The following SLC47A2 variants were observed in gnomAD, a reference collection of about 807,000 sequenced individuals.
SLC47A2 encodes solute carrier family 47 member 2.
Under a neutral mutation model 67.7 loss-of-function variants are expected in SLC47A2, and 52 were observed. The ratio of observed to expected loss-of-function variants is 0.77; its 90% confidence interval spans 0.61 to 0.97. SLC47A2 has a LOEUF of 0.97. Among genes scored for constraint, SLC47A2 ranks in the 50% least tolerant of loss-of-function variants. SLC47A2 has a pLI of 0.00. For missense variants in SLC47A2, 676 were observed against 712.3 expected (o/e 0.95, Z 0.58); for synonymous variants, 278 against 292.9 (o/e 0.95, Z 0.52).
At chr17:19,710,816 C>CTTTT (rs34676875) in intron 5 of SLC47A2, among the ~76,000 whole-genome samples, 2 of 140,000 alleles carry the variant, frequency 1.4e-5, no homozygotes, top group Non-Finnish European at 3.1e-5. Flanking sequence ...ATTCACAAAT[C>CTTTT]TTTTTTTTTT....
intron 11 of SLC47A2, 139 bp downstream of exon 11, chr17:19,703,931 T>A (rs1325184104): frequency 1.7e-6 from 1 of 599,422 alleles, no homozygotes; most frequent in Admixed American, 3.5e-5. Flanking sequence ...CTGGGTCAGA[T>A]GGCAGGTCCA....
intron 13 of SLC47A2, among the ~76,000 whole-genome samples, chr17:19,690,209 G>A (rs1203985187): frequency 6.6e-6 from 1 of 152,130 alleles, no homozygotes; most frequent in Admixed American, 6.6e-5. Flanking sequence ...AGGAAAACTG[G>A]ATATTCATAC....
intron 13 of SLC47A2, among the ~76,000 whole-genome samples, chr17:19,687,263 T>C (rs1036774151): frequency 6.6e-6 from 1 of 152,034 alleles, no homozygotes; most frequent in Non-Finnish European, 1.5e-5. Context: ...AAACAACATA[T>C]CAAAACGTAT....
intron 13 of SLC47A2, among the ~76,000 whole-genome samples, chr17:19,699,549 C>T (rs1333683122): frequency 6.6e-6 from 1 of 151,398 alleles, no homozygotes; most frequent in Non-Finnish European, 1.5e-5. Flanking sequence ...GCCTCCCCGC[C>T]GACCCCCTCC....
In SLC47A2 at chr17:19,707,758, C is replaced by G. The variant is rs1480358516; in HGVS notation, c.715G>C (p.Glu239Gln). ...LYIVLKKLHLETWAGWSSQCL... is the reference protein window; with the variant it reads ...LYIVLKKLHLQTWAGWSSQCL... Reference sequence around the variant, plus strand: ...CCAGGCCTCCCACCTGCCCACGTCTCCAGGTGCAGCTTCTTCAGCACAATG... The same window carrying G: ...CCAGGCCTCCCACCTGCCCACGTCTGCAGGTGCAGCTTCTTCAGCACAATG... The change falls in exon 8 of 17, where the codon GAG (glutamate) becomes CAG (glutamine). Residue 239 changes from glutamate to glutamine, a missense_variant. Physicochemically the swap from Glu to Gln is conservative, Grantham distance 29. Transcript: ENST00000433844. The G allele has an allele frequency of 6.3e-7, 1 of 1,592,682 alleles. No homozygotes were observed. Among genetic ancestry groups the G allele is most frequent in the Non-Finnish European group, 8.5e-7 (1 of 1,170,164 alleles).
intron 13 of SLC47A2, 161 bp downstream of exon 13, chr17:19,702,444 A>G (rs922315027): frequency 5.1e-6 from 5 of 985,326 alleles, no homozygotes; most frequent in Non-Finnish European, 6.0e-6. Flanking sequence ...TTGAAATAAG[A>G]ATGGAACTAT....
intron 8 of SLC47A2, among the ~76,000 whole-genome samples, chr17:19,707,520 G>T (rs1176892518): frequency 6.6e-6 from 1 of 152,182 alleles, no homozygotes; most frequent in Non-Finnish European, 1.5e-5. Context: ...CCTGGGCCAG[G>T]CTTCTGTGAT....
At chr17:19,682,834 A>G (rs374928995) in intron 13 of SLC47A2, among the ~76,000 whole-genome samples, 162 of 152,352 alleles carry the variant, frequency 1.1e-3, no homozygotes, top group African/African-American at 3.8e-3. Context: ...ATTATGTCTC[A>G]TCTCAAAGAT....
At chr17:19,710,632 T>C (rs2152359059) in intron 5 of SLC47A2, among the ~76,000 whole-genome samples, 1 of 152,116 alleles carries the variant, frequency 6.6e-6, no homozygotes, top group East Asian at 1.9e-4. Flanking sequence ...TTTGTATTTT[T>C]AGTAGAGACG....
At chr17:19,698,571 G>C (rs2085716310) in intron 13 of SLC47A2, among the ~76,000 whole-genome samples, 1 of 152,060 alleles carries the variant, frequency 6.6e-6, no homozygotes, top group Admixed American at 6.6e-5. Context: ...GGCTGGTCTT[G>C]AACTCCTGAC....
rs755348784 is a variant in SLC47A2 at position 19,705,418 on chromosome 17, C to A, written c.909+18G>T. ...TCAGGTGGGGGATGTGGGGAAGGCA[C>A]CCCTGCAGGAGCCTTACCATGTAGG... On this transcript the variant is annotated intron_variant, in intron 10 of 16. Coordinates refer to ENST00000433844, the MANE Select transcript of SLC47A2 (RefSeq NM_001099646.3). 6.2e-5 allele frequency: 100 copies of A among 1,605,592 alleles called. No individual in the cohort carries two copies. The highest frequency in any genetic ancestry group is 2.0e-4 in the Admixed American group (12 of 58,796).
chr17:19,701,773 G>A (rs2085792136), intron 13 of SLC47A2, among the ~76,000 whole-genome samples: 1 of 152,108 alleles, frequency 6.6e-6, no homozygotes, highest in Non-Finnish European at 1.5e-5. Flanking sequence ...TTGAGCCCAG[G>A]AGTTCAAGGC....
intron 13 of SLC47A2, among the ~76,000 whole-genome samples, chr17:19,688,859 G>C (rs546500078): frequency 6.7e-6 from 1 of 149,536 alleles, no homozygotes; most frequent in East Asian, 2.0e-4. Flanking sequence ...TGCCCCGCTG[G>C]TGATATCTTT....
chr17:19,692,580 C>A (rs1163657741), intron 13 of SLC47A2, among the ~76,000 whole-genome samples: 2 of 152,176 alleles, frequency 1.3e-5, no homozygotes, highest in Non-Finnish European at 2.9e-5. Context: ...GCCCACATGA[C>A]CTTACCGATG....
intron 13 of SLC47A2, among the ~76,000 whole-genome samples, chr17:19,695,939 G>A (rs906592170): frequency 2.3e-4 from 35 of 151,486 alleles, no homozygotes; most frequent in Non-Finnish European, 4.1e-4. Flanking sequence ...TGGCCAGGCT[G>A]GTCTTGAACT....
chr17:19,711,588 C>CAAAAAAAAAAAAAAAAA (rs35308426), intron 5 of SLC47A2, among the ~76,000 whole-genome samples: 128 of 32,992 alleles, frequency 3.9e-3, no homozygotes, highest in Non-Finnish European at 5.5e-3. Flanking sequence ...AACTCCGTCT[C>CAAAAAAAAAAAAAAAAA]AAAAAAAAAA....
At chr17:19,718,478 T>C (rs902865054), upstream of SLC47A2, 1 of 152,306 alleles carries the variant, frequency 6.6e-6, no homozygotes, top group African/African-American at 2.4e-5. Context: ...TATCCAGAGC[T>C]GACCAGTGTT....
chr17:19,708,556 CTG>C, intron 6 of SLC47A2, 157 bp from the exon 7 acceptor site: 2 of 1,610,326 alleles, frequency 1.2e-6, no homozygotes, highest in South Asian at 1.1e-5. Context: ...TCACCTGCCT[CTG>C]TGCGGGAGGT....
At chr17:19,707,441 C>T (rs536688403) in intron 8 of SLC47A2, among the ~76,000 whole-genome samples, 2 of 152,328 alleles carry the variant, frequency 1.3e-5, no homozygotes, top group African/African-American at 2.4e-5. Context: ...GCACTGCTGA[C>T]GCCTGGTATT....
Sources: gnomAD v4.1 joint callset for allele counts (sites outside exome capture counted in the v4.1 genomes callset) on GRCh38, gnomAD v4.1.1 for gene constraint, MANE v1.5 for transcripts, NCBI Gene and HGNC (gene_info 2026-07-23, HGNC 2026-07-21) for gene names.